Variants in TCF4 observed in about 807,000 individuals in gnomAD.
The protein encoded by TCF4 is SL3-3 enhancer factor 2.
In TCF4, 3 loss-of-function variants were observed where a neutral mutation model predicts 82.1. The observed-to-expected ratio is 0.04, with a 90% CI of 0.02 to 0.09. The LOEUF is 0.09. Ranked by LOEUF, TCF4 falls within the 10% of genes least tolerant of loss-of-function variation. The pLI, the probability that TCF4 is intolerant of heterozygous loss-of-function variation, is 1.00. For synonymous variants in TCF4, 276 were observed against 309.6 expected (o/e 0.89, Z 1.14); for missense variants, 518 against 852.7 (o/e 0.61, Z 4.89).
At chr18:55,589,589 G>A (rs1325003626), upstream of TCF4, 3 of 1,042,304 alleles carry the variant, frequency 2.9e-6, no homozygotes, top group East Asian at 5.7e-5. Flanking sequence ...AATGAACACA[G>A]GATAGTTATA....
chr18:55,463,384 C>T (rs968002369), intron 4 of TCF4, among the ~76,000 whole-genome samples: 2 of 152,162 alleles, frequency 1.3e-5, no homozygotes, highest in African/African-American at 4.8e-5. Flanking sequence ...ACACGTATTG[C>T]TTAACCACCC....
At chr18:55,617,811 C>CTCTGTG (rs2097713654) in intron 2 of TCF4, among the ~76,000 whole-genome samples, 1 of 140,610 alleles carries the variant, frequency 7.1e-6, no homozygotes, top group Non-Finnish European at 1.5e-5. Context: ...TTAATTCTAA[C>CTCTGTG]TGTGTGTGTG....
intron 6 of TCF4, chr18:55,401,788 G>A: frequency 1.3e-5 from 13 of 985,818 alleles, no homozygotes; most frequent in Non-Finnish European, 1.6e-5. Context: ...CTATTAGTAA[G>A]AAAGGATACA....
At chr18:55,338,199 C>T (rs2079059136) in intron 8 of TCF4, among the ~76,000 whole-genome samples, 1 of 152,120 alleles carries the variant, frequency 6.6e-6, no homozygotes, top group Non-Finnish European at 1.5e-5. Context: ...AAAGCACTGC[C>T]CCACCGTGCG....
At chr18:55,600,761 T>C (rs546359643) in intron 2 of TCF4, among the ~76,000 whole-genome samples, 3 of 152,302 alleles carry the variant, frequency 2.0e-5, no homozygotes, top group African/African-American at 7.2e-5. Flanking sequence ...CCAACATCTG[T>C]GGATTCAACC....
chr18:55,614,066 A>G (rs2097709602), intron 2 of TCF4, among the ~76,000 whole-genome samples: 1 of 151,872 alleles, frequency 6.6e-6, no homozygotes, highest in Admixed American at 6.6e-5. Context: ...GCTAATTTTT[A>G]ATTTTTTTGT....
chr18:55,365,069 C>T (rs2086498196), intron 6 of TCF4, among the ~76,000 whole-genome samples: 1 of 148,856 alleles, frequency 6.7e-6, no homozygotes, highest in Non-Finnish European at 1.5e-5. Context: ...AGGAGAATTG[C>T]TTGAACTCGG....
At chr18:55,254,960 C>CTAT (rs2145514087) in intron 14 of TCF4, among the ~76,000 whole-genome samples, 1 of 152,210 alleles carries the variant, frequency 6.6e-6, no homozygotes, top group African/African-American at 2.4e-5. Context: ...CATACATGTG[C>CTAT]TATATACGGT....
chr18:55,377,143 C>G (rs1213052580), intron 6 of TCF4, among the ~76,000 whole-genome samples: 1 of 152,216 alleles, frequency 6.6e-6, no homozygotes, highest in Non-Finnish European at 1.5e-5. Flanking sequence ...CATGTTATGA[C>G]TGAGTCAAAG....
intron 8 of TCF4, among the ~76,000 whole-genome samples, chr18:55,309,565 A>G (rs2147170451): frequency 6.6e-6 from 1 of 152,342 alleles, no homozygotes; most frequent in East Asian, 1.9e-4. Context: ...GGGTTGAGAA[A>G]ATGTCTGAAA....
At chr18:55,401,941 A>G in intron 6 of TCF4, 1 of 898,236 alleles carries the variant, frequency 1.1e-6, no homozygotes, top group Admixed American at 6.2e-5. Context: ...CTTGACCCTC[A>G]GAAACCAGAC....
chr18:55,588,358 G>A (rs1276096127), upstream of TCF4: 3 of 1,499,310 alleles, frequency 2.0e-6, no homozygotes, highest in Non-Finnish European at 1.8e-6. Flanking sequence ...ACTTGCTCCG[G>A]GTCGGGCAGG....
chr18:55,275,289 A>C (rs991384492), intron 10 of TCF4, among the ~76,000 whole-genome samples: 9 of 150,870 alleles, frequency 6.0e-5, no homozygotes, highest in Non-Finnish European at 1.0e-4. Flanking sequence ...AAAAAAAAAA[A>C]AAAAAAAAAC....
At chr18:55,295,196 A>T (rs1254087258) in intron 8 of TCF4, among the ~76,000 whole-genome samples, 1 of 152,154 alleles carries the variant, frequency 6.6e-6, no homozygotes, top group African/African-American at 2.4e-5. Context: ...TGCCCTTTGC[A>T]TGTGTTGTAC....
At chr18:55,631,393 AG>A (rs2097731485) in intron 1 of TCF4, 5 of 1,546,530 alleles carry the variant, frequency 3.2e-6, no homozygotes, top group Non-Finnish European at 3.5e-6. Flanking sequence ...CATTTGCTGC[AG>A]GGTGGAGAAA....
intron 8 of TCF4, chr18:55,332,411 C>T (rs1478280994): frequency 6.6e-6 from 1 of 152,146 alleles, no homozygotes. Context: ...TTACAGTAAG[C>T]CAGGTGGCTG....
At chr18:55,324,913 T>C (rs1367480900) in intron 8 of TCF4, among the ~76,000 whole-genome samples, 1 of 152,194 alleles carries the variant, frequency 6.6e-6, no homozygotes, top group African/African-American at 2.4e-5. Flanking sequence ...ACGATTCTTA[T>C]TTTCTTCTAG....
At chr18:55,257,194 G>C (rs2057059267) in intron 14 of TCF4, 121 bp downstream of exon 14, 10 of 1,029,966 alleles carry the variant, frequency 9.7e-6, no homozygotes, top group Non-Finnish European at 1.4e-5. Flanking sequence ...AAACCTGTGT[G>C]CTTAATGCTG....
chr18:55,314,376 T>C (rs1246360620), intron 8 of TCF4, among the ~76,000 whole-genome samples: 1 of 152,202 alleles, frequency 6.6e-6, no homozygotes, highest in African/African-American at 2.4e-5. Flanking sequence ...TAAACATTTC[T>C]GCAATTTATA....
Sources: gnomAD v4.1 joint callset for allele counts (sites outside exome capture counted in the v4.1 genomes callset) on GRCh38, gnomAD v4.1.1 for gene constraint, MANE v1.5 for transcripts, NCBI Gene and HGNC (gene_info 2026-07-23, HGNC 2026-07-21) for gene names.